Variants in PHC3 observed in about 807,000 individuals in gnomAD.
PHC3 encodes the protein polyhomeotic homolog 3.
PHC3 carries 13 observed loss-of-function variants against 107.4 expected under a neutral mutation model. The ratio of observed to expected loss-of-function variants is 0.12; its 90% CI spans 0.08 to 0.19. The LOEUF (loss-of-function observed/expected upper bound fraction) is 0.19, where lower values mean the gene tolerates loss of function less well. Ranked by LOEUF, PHC3 falls within the 10% of genes least tolerant of loss-of-function variation. PHC3 has a pLI of 1.00. For missense variants in PHC3, 992 were observed against 1,210.9 expected, an observed-to-expected ratio of 0.82 and a Z score of 2.68; for synonymous variants, 456 against 427.4, an observed-to-expected ratio of 1.07 and a Z score of -0.83.
At chr3:170,173,501 T>C (rs1031913772) in intron 2 of PHC3, among the ~76,000 whole-genome samples, 4 of 152,178 alleles carry the variant, frequency 2.6e-5, no homozygotes, top group African/African-American at 9.7e-5. Flanking sequence ...CAAATAGTAA[T>C]GTAGATCAGT....
intron 10 of PHC3, among the ~76,000 whole-genome samples, chr3:170,115,905 G>A (rs1057236896): frequency 2.1e-5 from 2 of 94,364 alleles, no homozygotes; most frequent in East Asian, 4.3e-4. Context: ...ACACACACAC[G>A]AAATTGAACA....
At position 170,136,523 on chromosome 3, in the gene PHC3, C is replaced by T. The variant is rs201270427; in HGVS notation, c.815G>A (p.Arg272Gln). ...TTVTSSKISQRDPSPESNKKG... is the reference protein window; with the variant it reads ...TTVTSSKISQQDPSPESNKKG... ...CTTATTACTTTCTGGAGAAGGATCT[C>T]GTTGGCTGATTTTAGAACTGGTCAC... The change falls in exon 7 of 15, where the codon CGA becomes CAA. Residue 272 changes from arginine to glutamine, a missense_variant. Arg to Gln is a conservative substitution (Grantham distance 43, BLOSUM62 1). Around this residue, in one of 6 missense-constraint regions of PHC3, gnomAD observed 543 missense variants for 590.8 expected, o/e 0.92. Transcript: ENST00000495893. The T allele has an allele frequency of 4.4e-5, 70 of 1,609,078 alleles. No homozygotes were observed. Among genetic ancestry groups the T allele is most frequent in the Non-Finnish European group, 5.3e-5 (62 of 1,178,082 alleles).
intron 4 of PHC3, among the ~76,000 whole-genome samples, chr3:170,155,385 A>T (rs1175944075): frequency 6.6e-6 from 1 of 152,252 alleles, no homozygotes; most frequent in Non-Finnish European, 1.5e-5. Flanking sequence ...AGGTACATAC[A>T]AATGTCTGTG....
rs116168748 is a variant in PHC3, at chr3:170,114,585, G to A, written c.2194-1066C>T. Among the ~76,000 whole-genome samples the A allele has an allele frequency of 1.7e-3, 266 of 152,116 alleles. 2 individuals are homozygous for A. The highest frequency in any genetic ancestry group is 6.1e-3 in the African/African-American group (254 of 41,490). On this transcript the variant is annotated intron_variant, in intron 10 of 14. Coordinates refer to ENST00000495893, the MANE Select transcript of PHC3 (RefSeq NM_024947.4). Reference sequence around the variant, plus strand: ...AATCCACTATAATCACAAAAGAAATGGAAAATCCTCAAATATTAACAAATT... The same window carrying A: ...AATCCACTATAATCACAAAAGAAATAGAAAATCCTCAAATATTAACAAATT...
chr3:170,104,071 A>G (rs2108279575), intron 12 of PHC3, among the ~76,000 whole-genome samples: 1 of 152,330 alleles, frequency 6.6e-6, no homozygotes, highest in Middle Eastern at 3.4e-3. Flanking sequence ...CCCTGACTCA[A>G]AACAATAAAA....
chr3:170,175,647 A>C (rs1437970352), intron 2 of PHC3, among the ~76,000 whole-genome samples: 2 of 150,928 alleles, frequency 1.3e-5, no homozygotes, highest in East Asian at 3.9e-4. Flanking sequence ...GGGGGGGGCC[A>C]GGCGCAGTGG....
intron 7 of PHC3, among the ~76,000 whole-genome samples, chr3:170,134,683 G>A (rs1722780582): frequency 1.3e-5 from 2 of 152,056 alleles, no homozygotes; most frequent in South Asian, 2.1e-4. Context: ...ACGTAAGTAC[G>A]TATAAGATAC....
intron 4 of PHC3, among the ~76,000 whole-genome samples, chr3:170,160,310 T>A (rs779988276): frequency 6.6e-6 from 1 of 152,236 alleles, no homozygotes; most frequent in Non-Finnish European, 1.5e-5. Context: ...AATACAATCC[T>A]CAAAGATCTC....
rs180768130 is a variant in PHC3 at position 170,117,604 on chromosome 3, C to T, written c.1943-128G>A. The T allele has an allele frequency of 2.1e-4, 189 of 883,986 alleles. 1 individual carries two copies. Among genetic ancestry groups the T allele is most frequent in the Middle Eastern group, 1.5e-3 (5 of 3,414 alleles). The allele number at this position is 883,986 out of a possible 1,614,324, so 54.8% of individuals were successfully genotyped here. ...TACTTTCAAAAACTGTTCTAAGAAC[C>T]TTAAGACCTCATTTAATCTGTACAA... is the stretch of plus-strand genomic sequence containing the variant. On this transcript the variant is annotated intron_variant, in intron 9 of 14. Transcript: ENST00000495893.
At chr3:170,170,397 C>T (rs542641589) in intron 4 of PHC3, 7 of 149,566 alleles carry the variant, frequency 4.7e-5, no homozygotes, top group African/African-American at 1.7e-4. Context: ...AGGGATGCTG[C>T]TAAACATCCT....
chr3:170,168,058 A>T (rs1728996903), intron 4 of PHC3, among the ~76,000 whole-genome samples: 1 of 152,104 alleles, frequency 6.6e-6, no homozygotes, highest in South Asian at 2.1e-4. Flanking sequence ...GCTACTCAGC[A>T]GTCTGAGGTA....
intron 5 of PHC3, chr3:170,148,794 GA>G (rs1228372000): frequency 2.9e-5 from 6 of 209,682 alleles, no homozygotes; most frequent in East Asian, 2.0e-4. Flanking sequence ...ATTAAAATAT[GA>G]AAAAAAGGTT....
intron 8 of PHC3, among the ~76,000 whole-genome samples, chr3:170,125,158 T>C (rs1452636539): frequency 6.6e-6 from 1 of 152,188 alleles, no homozygotes; most frequent in Non-Finnish European, 1.5e-5. Context: ...CTGTGCCTCA[T>C]GCCTGAATCT....
At chr3:170,176,849 AAAG>A (rs1368302743) in intron 2 of PHC3, 3 of 448,596 alleles carry the variant, frequency 6.7e-6, no homozygotes, top group African/African-American at 4.0e-5. Flanking sequence ...GTAATTAATG[AAAG>A]AAGTAGTCTC....
rs1718483790 is a variant in PHC3, at chr3:170,114,336, A to C, written c.2194-817T>G. 2.0e-5 allele frequency among the ~76,000 whole-genome samples: 3 copies of C among 152,308 alleles called. No individual in the cohort carries two copies. In the South Asian group the frequency reaches 6.2e-4, roughly 32 times the overall value. On this transcript the variant is annotated intron_variant, in intron 10 of 14. Coordinates refer to ENST00000495893, the MANE Select transcript of PHC3 (RefSeq NM_024947.4). ...TTTTAGTGTTTTCCATACGAATGCA[A>C]GACAAACAAAAGATCATCAGTAAAT... is the stretch of plus-strand genomic sequence containing the variant.
At chr3:170,152,133 A>G (rs1379825601) in intron 4 of PHC3, among the ~76,000 whole-genome samples, 1 of 151,908 alleles carries the variant, frequency 6.6e-6, no homozygotes, top group Non-Finnish European at 1.5e-5. Flanking sequence ...CACTAATACA[A>G]TACAGAATTA....
At chr3:170,148,255 T>C (rs895555888) in intron 5 of PHC3, 4 of 151,868 alleles carry the variant, frequency 2.6e-5, no homozygotes, top group African/African-American at 9.7e-5. Flanking sequence ...GGTGACAGAG[T>C]GAGACTTCAC....
intron 8 of PHC3, 99 bp downstream of exon 8, chr3:170,128,585 G>C: frequency 7.2e-7 from 1 of 1,395,732 alleles, no homozygotes; most frequent in Non-Finnish European, 9.5e-7. Flanking sequence ...AGCTTTTTTA[G>C]TTCACAGGCA....
At position 170,102,945 on chromosome 3, in the gene PHC3, CAAGA is replaced by C. The variant is rs750276889; in HGVS notation, c.2469-15_2469-12del. Reference sequence around the variant, plus strand: ...CAGCTAACATTGTACCTAAGAAATTCAAGAAAGAAAAAATATTTAATGATATATG... The same window carrying C: ...CAGCTAACATTGTACCTAAGAAATTCAAGAAAAAATATTTAATGATATATG... On this transcript the variant is annotated splice_polypyrimidine_tract_variant and intron_variant, in intron 12 of 14. Coordinates refer to ENST00000495893, the MANE Select transcript of PHC3 (RefSeq NM_024947.4). The C allele has an allele frequency of 5.6e-6, 9 of 1,600,904 alleles. No individual in the cohort carries two copies. In the Admixed American group the frequency reaches 1.4e-4, roughly 24 times the overall value.
Sources: gnomAD v4.1 joint callset for allele counts (sites outside exome capture counted in the v4.1 genomes callset) on GRCh38, gnomAD v4.1.1 for gene constraint, gnomAD v4.1.1 regional missense constraint, MANE v1.5 for transcripts, NCBI Gene and HGNC (gene_info 2026-07-23, HGNC 2026-07-21) for gene names.